GRID2IP: variants seen among roughly 807,000 people sequenced by gnomAD.
The protein encoded by GRID2IP is Grid2 interacting protein.
A neutral mutation model predicts 114.3 loss-of-function variants in GRID2IP; 78 were observed. That is an observed-to-expected ratio of 0.68 (90% CI 0.57 to 0.82). GRID2IP has a LOEUF of 0.82. Ranked by LOEUF, GRID2IP falls within the 40% of genes least tolerant of loss-of-function variation. GRID2IP has a pLI of 0.00. For missense variants in GRID2IP, 1,727 were observed against 1,678.5 expected (o/e 1.03, Z -0.51); for synonymous variants, 809 against 724.0 (o/e 1.12, Z -1.89).
chr7:6,521,770 G>A lies in GRID2IP; in HGVS notation c.989+118C>T. 1 of 798,954 alleles carries A rather than the reference G, an allele frequency of 1.3e-6. No individual in the cohort carries two copies. The highest frequency in any genetic ancestry group is 1.7e-5 in the South Asian group (1 of 59,768). 49.5% of individuals were successfully genotyped at this position (798,954 alleles called of 1,614,324 possible). ...TCCCATTGGAAGAGGGACAGACCCT[G>A]GGGACCAAATGGTGAGAGGAGATTG... On this transcript the variant is annotated intron_variant, in intron 5 of 21. Coordinates refer to ENST00000457091, the MANE Select transcript of GRID2IP (RefSeq NM_001145118.2). The surrounding 1 kb of genome is among the most constrained non-coding windows in gnomAD (Gnocchi z 4.1).
In GRID2IP at chr7:6,506,315, A is replaced by G. The variant is rs10951986; in HGVS notation, c.2545-408T>C. 0.88 allele frequency among the ~76,000 whole-genome samples: 133,585 copies of G among 152,162 alleles called. 59,217 individuals carry two copies. The highest frequency in any genetic ancestry group is 0.93 in the Non-Finnish European group (63,114 of 68,012). ...CCCTGGGCAGAGTGAGCTGGTGCTG[A>G]GAGAACTGCAACTGTGACAGCCTAG... On this transcript the variant is annotated intron_variant, in intron 13 of 21. Coordinates refer to ENST00000457091, the MANE Select transcript of GRID2IP (RefSeq NM_001145118.2). The surrounding 1 kb of genome is among the most constrained non-coding windows in gnomAD (Gnocchi z 5.2).
In GRID2IP at chr7:6,544,819, T is replaced by C. The variant is rs1020746945; in HGVS notation, c.430-4947A>G. On this transcript the variant is annotated intron_variant, in intron 1 of 21. Transcript: ENST00000457091. The stretch of plus-strand genomic sequence containing the variant: ...AAAGACAGCCGGGCGCGGTGGCTCA[T>C]GCCTGTAATCCCAGCACTTTGGGAG... Among the ~76,000 whole-genome samples the C allele has an allele frequency of 2.6e-5, 4 of 151,990 alleles. No individual in the cohort carries two copies. The East Asian group carries it at 5.9e-4, about 23-fold the overall frequency.
In GRID2IP at chr7:6,510,408, G is replaced by C; in HGVS notation, c.1654-8C>G. 2 of 1,509,744 alleles carry C rather than the reference G, an allele frequency of 1.3e-6. No individual in the cohort carries two copies. Among genetic ancestry groups the C allele is most frequent in the Non-Finnish European group, 1.8e-6 (2 of 1,123,238 alleles). The allele number at this position is 1,509,744 out of a possible 1,614,324, so 93.5% of individuals were successfully genotyped here. A position where few individuals can be genotyped will look rare whatever the true frequency, so the allele number is the denominator to read the frequency against. ...TGCATAGACGGCTGACATCTGGAGG[G>C]AGACGGGGGAGAGTCCAGCCCATTC... On this transcript the variant is annotated splice_polypyrimidine_tract_variant and splice_region_variant and intron_variant, in intron 10 of 21. Transcript: ENST00000457091.
chr7:6,540,137 G>A (rs904740652), intron 1 of GRID2IP, among the ~76,000 whole-genome samples: 3 of 120,798 alleles, frequency 2.5e-5, no homozygotes, highest in Non-Finnish European at 4.9e-5. Context: ...TTTTTGAGAC[G>A]GAGTTTCAGT....
chr7:6,536,735 C>T lies in GRID2IP; in HGVS notation c.584+2983G>A. 8.6e-6 allele frequency: 6 copies of T among 695,370 alleles called. No individual in the cohort carries two copies. The highest frequency in any genetic ancestry group is 7.9e-6 in the Non-Finnish European group (3 of 380,088). 43.1% of individuals were successfully genotyped at this position (695,370 alleles called of 1,614,324 possible). ...CTCCCCAGGAAGCGCTCAGAGCCAG[C>T]GCATCATCTCCGCGGCAAATTCGGC... On this transcript the variant is annotated intron_variant, in intron 2 of 21. Transcript: ENST00000457091. This position sits in a 1 kb window ranked among gnomAD's most constrained non-coding sequence, Gnocchi z 5.3.
intron 4 of GRID2IP, among the ~76,000 whole-genome samples, chr7:6,522,167 T>C (rs1387113701): frequency 6.6e-6 from 1 of 151,912 alleles, no homozygotes; most frequent in Non-Finnish European, 1.5e-5. Context: ...TTGGGCAACA[T>C]AGCGAGACCC....
chr7:6,502,607 C>G (rs34841180), intron 18 of GRID2IP, among the ~76,000 whole-genome samples, 179 bp downstream of exon 18: 59,360 of 146,282 alleles, frequency 0.41, 12,281 homozygotes, highest in African/African-American at 0.47. Context: ...CCACCCCACC[C>G]CACCCCACCC....
rs116982470 is a variant in GRID2IP, at chr7:6,528,404, C to T, written c.585-1635G>A. On this transcript the variant is annotated intron_variant, in intron 2 of 21. Coordinates refer to ENST00000457091, the MANE Select transcript of GRID2IP (RefSeq NM_001145118.2). The surrounding 1 kb of genome is among the most constrained non-coding windows in gnomAD (Gnocchi z 6.0). Reference sequence around the variant, plus strand: ...CACAGAGAGGACCTGTAGCTCTCCACGGTTACACAGCTGGCCTGTGGCACA... The same window carrying T: ...CACAGAGAGGACCTGTAGCTCTCCATGGTTACACAGCTGGCCTGTGGCACA... 0.024 allele frequency among the ~76,000 whole-genome samples: 3,712 copies of T among 152,254 alleles called. 80 individuals are homozygous for T. Among genetic ancestry groups the T allele is most frequent in the Middle Eastern group, 0.041 (12 of 294 alleles).
rs766377087 is a variant in GRID2IP, at chr7:6,508,068, G to C, written c.2461C>G (p.Arg821Gly). ...PPMLSRGLGH[R>G]RSETSHMSVK... ...CTCATGTGGCTGGTCTCACTGCGCC[G>C]GTGGCCCAGGCCCCGGGACAGCATG... is the stretch of plus-strand genomic sequence containing the variant. The change falls in exon 13 of 22, where the codon CGG becomes GGG. Residue 821 changes from arginine to glycine, a missense_variant. By Grantham distance (125) the Arg-to-Gly change is moderately radical. Coordinates refer to ENST00000457091, the MANE Select transcript of GRID2IP (RefSeq NM_001145118.2). This position sits in a 1 kb window ranked among gnomAD's most constrained non-coding sequence, Gnocchi z 5.6. 2 of 1,548,222 alleles carry C rather than the reference G, an allele frequency of 1.3e-6. No homozygotes were observed. Among genetic ancestry groups the C allele is most frequent in the East Asian group, 4.9e-5 (2 of 40,892 alleles).
intron 1 of GRID2IP, among the ~76,000 whole-genome samples, chr7:6,547,236 A>G (rs1583356297): frequency 6.6e-6 from 1 of 152,120 alleles, no homozygotes; most frequent in Admixed American, 6.5e-5. Flanking sequence ...CTGTAGTGCA[A>G]ACGCACTAAG....
At position 6,548,217 on chromosome 7, in the gene GRID2IP, G is replaced by T. The variant is rs568569169; in HGVS notation, c.429+2791C>A. ...TAAATACAAAAATTAGCCAGGCATG[G>T]TGGTGGGGGCCTGTAATCCCAGCTC... On this transcript the variant is annotated intron_variant, in intron 1 of 21. Transcript: ENST00000457091. 6.2e-4 allele frequency among the ~76,000 whole-genome samples: 95 copies of T among 152,240 alleles called. 1 individual carries two copies. Among genetic ancestry groups the T allele is most frequent in the African/African-American group, 2.0e-3 (83 of 41,542 alleles).
rs1229162511 is a variant in GRID2IP, at chr7:6,516,740, A to G, written c.1269-2211T>C. Among the ~76,000 whole-genome samples the G allele has an allele frequency of 6.6e-6, 1 of 152,198 alleles. No individual in the cohort carries two copies. Among genetic ancestry groups the G allele is most frequent in the Non-Finnish European group, 1.5e-5 (1 of 68,046 alleles). ...CCCTGTGCACTCGGCTCCACCTTCT[A>G]GATAGCAGCAGCAGAATTAGTGAAA... On this transcript the variant is annotated intron_variant, in intron 7 of 21. Coordinates refer to ENST00000457091, the MANE Select transcript of GRID2IP (RefSeq NM_001145118.2). The surrounding 1 kb of genome is among the most constrained non-coding windows in gnomAD (Gnocchi z 4.3).
At position 6,526,549 on chromosome 7, in the gene GRID2IP, C is replaced by G; in HGVS notation, c.805G>C (p.Gly269Arg). Residue 269 changes from glycine (G) to arginine (R), a missense_variant, in exon 3 of 22, where the codon GGC becomes CGC. Physicochemically the swap from Gly to Arg is moderately radical, Grantham distance 125. Coordinates refer to ENST00000457091, the MANE Select transcript of GRID2IP (RefSeq NM_001145118.2). This position sits in a 1 kb window ranked among gnomAD's most constrained non-coding sequence, Gnocchi z 7.6. ...PPRRASLLVG[G>R]LAGPGGARRT... is the part of the protein sequence containing the mutation. The stretch of plus-strand genomic sequence containing the variant: ...CGCGCGCCCCCGGGGCCGGCGAGGC[C>G]GCCCACCAGCAAGGAGGCCCTGCGC... The G allele has an allele frequency of 8.2e-7, 1 of 1,221,158 alleles. No individual in the cohort carries two copies. 75.6% of individuals were successfully genotyped at this position (1,221,158 alleles called of 1,614,324 possible).
intron 8 of GRID2IP, among the ~76,000 whole-genome samples, chr7:6,514,145 C>T (rs1022509126): frequency 2.6e-5 from 4 of 151,844 alleles, no homozygotes; most frequent in Non-Finnish European, 5.9e-5. Flanking sequence ...CCCAGCTACT[C>T]GGGAGGCTGA....
intron 20 of GRID2IP, among the ~76,000 whole-genome samples, chr7:6,501,527 C>T (rs1184140813): frequency 6.6e-6 from 1 of 152,204 alleles, no homozygotes; most frequent in African/African-American, 2.4e-5. Flanking sequence ...CATGGCAAAA[C>T]CTTGTCTCTA....
Position 6,551,267 on chromosome 7 carries a change from A to C in GRID2IP, c.170T>G (p.Val57Gly). The C allele has an allele frequency of 1.3e-6, 2 of 1,537,036 alleles. No individual in the cohort carries two copies. Among genetic ancestry groups the C allele is most frequent in the Non-Finnish European group, 1.7e-6 (2 of 1,145,778 alleles). The change falls in exon 1 of 22, where the codon GTG becomes GGG. Residue 57 changes from valine (V) to glycine (G), a missense_variant. Coordinates refer to ENST00000457091, the MANE Select transcript of GRID2IP (RefSeq NM_001145118.2). The stretch of plus-strand genomic sequence containing the variant: ...GAGGCGCTCGCGGCTCAGACCGCCC[A>C]CCGCCAGCCCCTCCACCTCCAGGAT... ...DQILEVEGLA[V>G]GGLSRERLVR...
chr7:6,542,429 G>C (rs1361328483), intron 1 of GRID2IP, among the ~76,000 whole-genome samples: 3 of 152,104 alleles, frequency 2.0e-5, no homozygotes, highest in Non-Finnish European at 4.4e-5. Context: ...CGAGGCAGGA[G>C]GATTGTTTGA....
Position 6,521,645 on chromosome 7 carries a change from T to G in GRID2IP, c.990-122A>C. 1 of 725,458 alleles carries G rather than the reference T, an allele frequency of 1.4e-6. No homozygotes were observed. Among genetic ancestry groups the G allele is most frequent in the South Asian group, 1.9e-5 (1 of 53,340 alleles). The allele number at this position is 725,458 out of a possible 1,614,324, so 44.9% of individuals were successfully genotyped here. On this transcript the variant is annotated intron_variant, in intron 5 of 21. Coordinates refer to ENST00000457091, the MANE Select transcript of GRID2IP (RefSeq NM_001145118.2). This position sits in a 1 kb window ranked among gnomAD's most constrained non-coding sequence, Gnocchi z 4.1. ...GCAAGACCACCTCTGTGTGACTCTG[T>G]GTCCCCAGCATGGAGCTGGAGTATT...
chr7:6,513,725 T>C (rs915399208), intron 8 of GRID2IP, among the ~76,000 whole-genome samples: 5 of 152,144 alleles, frequency 3.3e-5, no homozygotes, highest in Admixed American at 1.3e-4. Context: ...CCCTGGTGTA[T>C]TGGGTGTGTA....
Sources: gnomAD v4.1 joint callset for allele counts (sites outside exome capture counted in the v4.1 genomes callset) on GRCh38, gnomAD v4.1.1 for gene constraint, Gnocchi (gnomAD v3.1) non-coding constraint, MANE v1.5 for transcripts, NCBI Gene and HGNC (gene_info 2026-07-23, HGNC 2026-07-21) for gene names.